The following ASB5 variants were observed in gnomAD, a reference collection of about 807,000 sequenced individuals.
The protein encoded by ASB5 is ankyrin repeat and SOCS box containing 5.
In ASB5, 45 loss-of-function variants were observed where a neutral mutation model predicts 42.1. The observed-to-expected ratio is 1.07, with a 90% CI of 0.84 to 1.37. The LOEUF (loss-of-function observed/expected upper bound fraction) is 1.37. ASB5 is among the 40% of genes most tolerant of loss of function. The pLI, the probability that ASB5 is intolerant of heterozygous loss-of-function variation, is 0.00. For missense variants in ASB5, 402 were observed against 399.8 expected (o/e 1.01, Z -0.05); for synonymous variants, 147 against 150.6 (o/e 0.98, Z 0.18).
chr4:176,232,175 T>C (rs1753565920), intron 1 of ASB5, among the ~76,000 whole-genome samples: 1 of 151,552 alleles, frequency 6.6e-6, no homozygotes, highest in Non-Finnish European at 1.5e-5. Context: ...CAGGCTGTAG[T>C]GCAATGGTGC....
intron 1 of ASB5, among the ~76,000 whole-genome samples, chr4:176,260,966 C>T (rs137857302): frequency 5.9e-5 from 9 of 152,276 alleles, no homozygotes; most frequent in African/African-American, 1.9e-4. Context: ...TGAGCCACCA[C>T]GTCGGCAAGA....
intron 1 of ASB5, among the ~76,000 whole-genome samples, chr4:176,244,646 A>G (rs1391263778): frequency 2.6e-5 from 4 of 152,162 alleles, no homozygotes; most frequent in Non-Finnish European, 5.9e-5. Context: ...CTGGTGGTTC[A>G]CACCTATAAT....
At chr4:176,255,268 G>A (rs1045289454) in intron 1 of ASB5, among the ~76,000 whole-genome samples, 2 of 152,204 alleles carry the variant, frequency 1.3e-5, no homozygotes, top group African/African-American at 4.8e-5. Context: ...ACATTGGTGG[G>A]AATGTAAATT....
chr4:176,263,745 T>C (rs903700920), intron 1 of ASB5, among the ~76,000 whole-genome samples: 9 of 152,216 alleles, frequency 5.9e-5, no homozygotes, highest in African/African-American at 1.7e-4. Context: ...ACTAATCTCA[T>C]GCAGAGGTAA....
chr4:176,236,480 A>T (rs1259594353), intron 1 of ASB5, among the ~76,000 whole-genome samples: 1 of 152,196 alleles, frequency 6.6e-6, no homozygotes, highest in African/African-American at 2.4e-5. Context: ...GTTGTTAATT[A>T]TGTTGTTGAA....
chr4:176,261,225 T>C (rs576978933), intron 1 of ASB5, among the ~76,000 whole-genome samples: 1 of 152,304 alleles, frequency 6.6e-6, no homozygotes, highest in African/African-American at 2.4e-5. Flanking sequence ...TGCGCAGTGC[T>C]GAGTCAGTGT....
intron 1 of ASB5, chr4:176,237,583 T>C (rs1753717414): frequency 2.0e-6 from 2 of 985,140 alleles, no homozygotes; most frequent in Non-Finnish European, 1.2e-6. Context: ...TTGAACTCTA[T>C]TCAGAAACAC....
intron 1 of ASB5, among the ~76,000 whole-genome samples, chr4:176,247,972 G>A (rs1038324): frequency 0.087 from 13,173 of 152,178 alleles, 594 homozygotes; most frequent in African/African-American, 0.097. Flanking sequence ...AAGACAGATG[G>A]CCTGATAGAA....
At position 176,220,674 on chromosome 4, in the gene ASB5, CTT is replaced by C. The variant is rs369788345; in HGVS notation, c.670+479_670+480del. Among the ~76,000 whole-genome samples the C allele has an allele frequency of 3.9e-4, 60 of 152,240 alleles. 1 individual carries two copies. Among genetic ancestry groups the C allele is most frequent in the African/African-American group, 1.4e-3 (59 of 41,558 alleles). ...AAGTAAGTGGAAAAGGGCAGTAAGT[CTT>C]TTCAAGTAAGCAGGACAGAAAGTAC... On this transcript the variant is annotated intron_variant, in intron 5 of 6. Coordinates refer to ENST00000296525, the MANE Select transcript of ASB5 (RefSeq NM_080874.4).
chr4:176,242,643 A>T (rs1753833012), intron 1 of ASB5, among the ~76,000 whole-genome samples: 1 of 152,174 alleles, frequency 6.6e-6, no homozygotes, highest in South Asian at 2.1e-4. Flanking sequence ...TAACAACGAC[A>T]AGTTTGGACA....
chr4:176,264,316 A>G (rs1469345049), intron 1 of ASB5, among the ~76,000 whole-genome samples: 1 of 152,208 alleles, frequency 6.6e-6, no homozygotes, highest in African/African-American at 2.4e-5. Flanking sequence ...GTAAATTTAC[A>G]TCTCAGAAGT....
intron 1 of ASB5, among the ~76,000 whole-genome samples, chr4:176,255,745 T>A (rs1054947908): frequency 6.6e-6 from 1 of 152,178 alleles, no homozygotes; most frequent in African/African-American, 2.4e-5. Flanking sequence ...GTTGAAAAAC[T>A]AACTACTGGG....
chr4:176,268,526 A>G (rs1754403994), intron 1 of ASB5, among the ~76,000 whole-genome samples: 1 of 152,214 alleles, frequency 6.6e-6, no homozygotes, highest in African/African-American at 2.4e-5. Context: ...TATACAATCC[A>G]GGTACACATT....
intron 1 of ASB5, 126 bp downstream of exon 1, chr4:176,268,787 A>G (rs1754411159): frequency 1.3e-6 from 1 of 787,796 alleles, no homozygotes; most frequent in Non-Finnish European, 1.8e-6. Context: ...GTGAGTTACA[A>G]GTATTTCCCT....
chr4:176,261,058 A>C (rs1754259706), intron 1 of ASB5, among the ~76,000 whole-genome samples: 1 of 152,158 alleles, frequency 6.6e-6, no homozygotes, highest in Non-Finnish European at 1.5e-5. Context: ...GTGGCTTTGG[A>C]GGAAGAGGTG....
In ASB5 at chr4:176,220,410, G is replaced by A. The variant is rs1394865702; in HGVS notation, c.670+745C>T. Reference sequence around the variant, plus strand: ...GAATGATTCTCATAAACAATAAATAGCATAGAACTCCATTTACTCATTTTA... The same window carrying A: ...GAATGATTCTCATAAACAATAAATAACATAGAACTCCATTTACTCATTTTA... On this transcript the variant is annotated intron_variant, in intron 5 of 6. Transcript: ENST00000296525. 6.6e-5 allele frequency among the ~76,000 whole-genome samples: 10 copies of A among 152,174 alleles called. 1 individual carries two copies. In the South Asian group the frequency reaches 2.1e-3, roughly 32 times the overall value.
At chr4:176,222,826 G>T (rs1753259115) in intron 2 of ASB5, among the ~76,000 whole-genome samples, 1 of 152,128 alleles carries the variant, frequency 6.6e-6, no homozygotes, top group South Asian at 2.1e-4. Context: ...CACCCAAGCT[G>T]GAGTGCAGTG....
chr4:176,263,168 T>C (rs1579335451), intron 1 of ASB5, among the ~76,000 whole-genome samples: 1 of 152,238 alleles, frequency 6.6e-6, no homozygotes. Flanking sequence ...CTCTCTTGAG[T>C]CTTACCATGT....
At chr4:176,247,606 T>C (rs1753936416) in intron 1 of ASB5, among the ~76,000 whole-genome samples, 1 of 152,182 alleles carries the variant, frequency 6.6e-6, no homozygotes, top group Non-Finnish European at 1.5e-5. Flanking sequence ...ATACATGGTG[T>C]GAATATAATT....
Sources: gnomAD v4.1 joint callset for allele counts (sites outside exome capture counted in the v4.1 genomes callset) on GRCh38, gnomAD v4.1.1 for gene constraint, MANE v1.5 for transcripts, NCBI Gene and HGNC (gene_info 2026-07-23, HGNC 2026-07-21) for gene names.